The following ALDH3A2 variants were observed in gnomAD, a reference collection of about 807,000 sequenced individuals.
The protein encoded by ALDH3A2 is aldehyde dehydrogenase family 3 member A2.
A neutral mutation model predicts 51.3 loss-of-function variants in ALDH3A2; 36 were observed. That is an observed-to-expected ratio of 0.70 (90% CI 0.54 to 0.93). The LOEUF is 0.93. Among genes scored for constraint, ALDH3A2 ranks in the 40% least tolerant of loss-of-function variants. The pLI, the probability that ALDH3A2 is intolerant of heterozygous loss-of-function variation, is 0.00. For synonymous variants in ALDH3A2, 199 were observed against 219.8 expected (o/e 0.91, Z 0.84); for missense variants, 552 against 603.1 (o/e 0.92, Z 0.89).
intron 3 of ALDH3A2, chr17:19,655,214 T>C (rs1322903963): frequency 1.3e-5 from 2 of 152,230 alleles, no homozygotes; most frequent in Non-Finnish European, 2.9e-5. Context: ...CTGTATTCTG[T>C]ACATCAACTT....
chr17:19,658,581 G>C (rs576875378), intron 5 of ALDH3A2, among the ~76,000 whole-genome samples: 2 of 151,996 alleles, frequency 1.3e-5, no homozygotes, highest in South Asian at 4.2e-4. Flanking sequence ...AAAAAAATCA[G>C]CCGGGGATGG....
intron 8 of ALDH3A2, among the ~76,000 whole-genome samples, chr17:19,667,243 G>A (rs1241569158): frequency 6.6e-6 from 1 of 152,170 alleles, no homozygotes; most frequent in Non-Finnish European, 1.5e-5. Context: ...ATTCTTGCAT[G>A]TCATAATTTT....
intron 5 of ALDH3A2, 39 bp from the exon 6 acceptor site, chr17:19,661,088 G>T (rs750718862): frequency 2.5e-6 from 4 of 1,592,822 alleles, no homozygotes; most frequent in Non-Finnish European, 3.4e-6. Context: ...TGAATTGTGG[G>T]TCTTTGTGAC....
chr17:19,663,670 A>G (rs888913163), intron 7 of ALDH3A2, among the ~76,000 whole-genome samples, 171 bp downstream of exon 7: 1 of 152,232 alleles, frequency 6.6e-6, no homozygotes, highest in Non-Finnish European at 1.5e-5. Flanking sequence ...GTCTTGGTTA[A>G]TGAGACTCTG....
intron 1 of ALDH3A2, among the ~76,000 whole-genome samples, chr17:19,651,273 G>C (rs994755491): frequency 6.6e-6 from 1 of 152,128 alleles, no homozygotes; most frequent in Non-Finnish European, 1.5e-5. Context: ...GCTTTTAAAG[G>C]GTGTGGATTA....
intron 6 of ALDH3A2, chr17:19,661,980 C>T (rs768155682): frequency 1.3e-4 from 19 of 151,736 alleles, no homozygotes; most frequent in East Asian, 3.9e-4. Flanking sequence ...TCAGTGGCCC[C>T]GTGGTACCAT....
At chr17:19,653,730 A>C (rs1597552241) in intron 3 of ALDH3A2, among the ~76,000 whole-genome samples, 1 of 152,202 alleles carries the variant, frequency 6.6e-6, no homozygotes, top group Non-Finnish European at 1.5e-5. Flanking sequence ...ATTTATTGCA[A>C]AGACTGAAAG....
At chr17:19,661,028 TA>T in intron 5 of ALDH3A2, 98 bp from the exon 6 acceptor site, 2 of 1,200,290 alleles carry the variant, frequency 1.7e-6, no homozygotes, top group South Asian at 1.3e-5. Flanking sequence ...TGTGAGGATA[TA>T]AAACCAGATT....
In ALDH3A2 at chr17:19,648,865, C is replaced by A; in HGVS notation, c.-107C>A. ...GGCTGTGGGTTGACGGTGGAGACAC[C>A]CCCCGGAGGGAGGCGGAGGGAAGGG... On this transcript the variant is annotated 5_prime_UTR_variant, in exon 1 of 10. Coordinates refer to ENST00000176643, the MANE Select transcript of ALDH3A2 (RefSeq NM_000382.3). 1 of 1,433,680 alleles carries A rather than the reference C, an allele frequency of 7.0e-7. No individual in the cohort carries two copies. Among genetic ancestry groups the A allele is most frequent in the Admixed American group, 2.0e-5 (1 of 49,972 alleles). The allele number at this position is 1,433,680 out of a possible 1,614,324, so 88.8% of individuals were successfully genotyped here. A position where few individuals can be genotyped will look rare whatever the true frequency, so the allele number is the denominator to read the frequency against.
In ALDH3A2 at chr17:19,654,305, C is replaced by CG. The variant is rs2152327408; in HGVS notation, c.471+1674dup. On this transcript the variant is annotated intron_variant, in intron 3 of 9. Transcript: ENST00000176643. This position sits in a 1 kb window ranked among gnomAD's most constrained non-coding sequence, Gnocchi z 4.5. ...GGAGCTGCCCATCAGTCCAGCGCTG[C>CG]GCGCCTGCACCCCTCAGCCCTTGGG... Among the ~76,000 whole-genome samples the CG allele has an allele frequency of 6.6e-6, 1 of 152,380 alleles. No homozygotes were observed. The highest frequency in any genetic ancestry group is 2.4e-5 in the African/African-American group (1 of 41,602).
intron 5 of ALDH3A2, among the ~76,000 whole-genome samples, chr17:19,660,343 T>A (rs1029536776): frequency 3.9e-5 from 6 of 152,190 alleles, no homozygotes; most frequent in Non-Finnish European, 7.3e-5. Context: ...CCCAGGCACA[T>A]GCATTTTAGC....
intron 3 of ALDH3A2, 89 bp downstream of exon 3, chr17:19,652,721 C>A: frequency 8.6e-7 from 1 of 1,158,168 alleles, no homozygotes; most frequent in Non-Finnish European, 1.3e-6. Flanking sequence ...TATTGCTGGC[C>A]GGGGACCCAA....
At chr17:19,652,429 C>G (rs1037599328) in intron 2 of ALDH3A2, 118 bp from the exon 3 acceptor site, 3 of 756,520 alleles carry the variant, frequency 4.0e-6, no homozygotes, top group South Asian at 1.5e-5. Flanking sequence ...GGATATGCAG[C>G]ATTGAGAGCT....
chr17:19,664,843 A>G lies in ALDH3A2; in HGVS notation c.1108-105A>G, dbSNP rs2085013471. The G allele has an allele frequency of 5.0e-6, 4 of 793,506 alleles. No homozygotes were observed. In the South Asian group the frequency reaches 5.6e-5, roughly 11 times the overall value. The allele number at this position is 793,506 out of a possible 1,614,324, so 49.2% of individuals were successfully genotyped here. ...TCACTGACACAAAGCCAGAATGTGC[A>G]TGCTTTGAGCACATAACTGAGCACA... is the stretch of plus-strand genomic sequence containing the variant. On this transcript the variant is annotated intron_variant, in intron 7 of 9. Coordinates refer to ENST00000176643, the MANE Select transcript of ALDH3A2 (RefSeq NM_000382.3).
rs753900462 is a variant in ALDH3A2 at position 19,671,885 on chromosome 17, C to T, written c.1372C>T (p.Arg458Trp). 1.1e-5 allele frequency: 17 copies of T among 1,614,164 alleles called. No homozygotes were observed. The highest frequency in any genetic ancestry group is 1.4e-5 in the Non-Finnish European group (16 of 1,180,024). ...TTGGGGAAAATTTTTTCTCTTGAAA[C>T]GGTTCAACAAAGAAAAACTCGGTCT... Reference protein sequence around the residue: ...VDWGKFFLLKRFNKEKLGLLL... With the variant: ...VDWGKFFLLKWFNKEKLGLLL... Residue 458 changes from arginine to tryptophan, a missense_variant, in exon 9 of 10, where the codon CGG (arginine) becomes TGG (tryptophan). Transcript: ENST00000176643.
At position 19,671,703 on chromosome 17, in the gene ALDH3A2, C is replaced by T; in HGVS notation, c.1208-18C>T. 6.2e-7 allele frequency: 1 copy of T among 1,602,960 alleles called. No homozygotes were observed. The highest frequency in any genetic ancestry group is 8.5e-7 in the Non-Finnish European group (1 of 1,169,820). ...TCATCTACAGTGAAGCTTGTTTTGT[C>T]TGTTCCCTTTATTTCAGGTTCCAGT... is the stretch of plus-strand genomic sequence containing the variant. On this transcript the variant is annotated intron_variant, in intron 8 of 9. Coordinates refer to ENST00000176643, the MANE Select transcript of ALDH3A2 (RefSeq NM_000382.3).
chr17:19,675,368 C>T (rs956179573), intron 9 of ALDH3A2, 190 bp from the exon 10 acceptor site: 6 of 645,954 alleles, frequency 9.3e-6, no homozygotes, highest in Non-Finnish European at 1.7e-5. Flanking sequence ...TGAGGAAGGG[C>T]ATAATCCTTT....
intron 9 of ALDH3A2, chr17:19,672,373 T>C (rs990213780): frequency 2.3e-5 from 5 of 214,178 alleles, no homozygotes; most frequent in African/African-American, 1.1e-4. Flanking sequence ...TGTTCTTGAA[T>C]GTGCATGAAA....
At chr17:19,674,672 T>G (rs1258696738) in intron 9 of ALDH3A2, 1 of 152,204 alleles carries the variant, frequency 6.6e-6, no homozygotes, top group Non-Finnish European at 1.5e-5. Flanking sequence ...GTTGTTAATA[T>G]TTCTTTGGAT....
Sources: allele counts gnomAD v4.1 joint callset (sites outside exome capture counted in the v4.1 genomes callset), GRCh38; gene constraint gnomAD v4.1.1; non-coding constraint Gnocchi (gnomAD v3.1); transcripts MANE v1.5; gene names NCBI Gene and HGNC (gene_info 2026-07-23, HGNC 2026-07-21).